Variants in DHX36 observed in about 807,000 individuals in gnomAD.
The protein encoded by DHX36 is DEAH-box helicase 36.
DHX36 carries 50 observed loss-of-function variants against 139.0 expected under a neutral mutation model. The ratio of observed to expected loss-of-function variants is 0.36; its 90% CI spans 0.29 to 0.46. The LOEUF (loss-of-function observed/expected upper bound fraction) is 0.46, where lower values mean the gene tolerates loss of function less well. Ranked by LOEUF, DHX36 falls within the 20% of genes least tolerant of loss-of-function variation. DHX36 has a pLI of 1.00. For missense variants in DHX36, 1,024 were observed against 1,211.3 expected (o/e 0.85, Z 2.29); for synonymous variants, 425 against 401.9 (o/e 1.06, Z -0.69).
At chr3:154,311,717 A>C in intron 3 of DHX36, 43 bp from the exon 4 acceptor site, 1 of 1,490,726 alleles carries the variant, frequency 6.7e-7, no homozygotes, top group Non-Finnish European at 9.2e-7. Context: ...GAAGATATGT[A>C]ATCAAATTAT....
chr3:154,315,036 T>C lies in DHX36; in HGVS notation c.603+10A>G, dbSNP rs1712911750. The C allele has an allele frequency of 6.4e-7, 1 of 1,556,064 alleles. No individual in the cohort carries two copies. The highest frequency in any genetic ancestry group is 8.8e-7 in the Non-Finnish European group (1 of 1,142,094). On this transcript the variant is annotated intron_variant, in intron 3 of 24. Coordinates refer to ENST00000496811, the MANE Select transcript of DHX36 (RefSeq NM_020865.3). ...AAATGACAAAATATTTTTTGACATC[T>C]TTCTACTACCTGCATTTCAATATAC...
intron 5 of DHX36, among the ~76,000 whole-genome samples, chr3:154,308,010 G>C (rs1305158305): frequency 6.6e-6 from 1 of 152,124 alleles, no homozygotes; most frequent in Admixed American, 6.5e-5. Flanking sequence ...ATAAGTGGGT[G>C]CTAAAAACCA....
chr3:154,319,400 C>T (rs1350672721), intron 1 of DHX36: 2 of 152,136 alleles, frequency 1.3e-5, no homozygotes, highest in Non-Finnish European at 2.9e-5. Flanking sequence ...AGGCCAATAC[C>T]ACCCTTTTGT....
chr3:154,307,170 T>C (rs1023690567), intron 5 of DHX36, among the ~76,000 whole-genome samples: 3 of 152,052 alleles, frequency 2.0e-5, no homozygotes, highest in African/African-American at 7.2e-5. Context: ...CTGAAACTAC[T>C]AGAAGAAAAC....
intron 1 of DHX36, among the ~76,000 whole-genome samples, chr3:154,317,204 G>C (rs1231558683): frequency 6.6e-6 from 1 of 152,042 alleles, no homozygotes; most frequent in African/African-American, 2.4e-5. Flanking sequence ...AAGCTGCTCT[G>C]TGTTACTGTA....
At chr3:154,311,510 T>C in intron 4 of DHX36, 126 bp downstream of exon 4, 2 of 709,266 alleles carry the variant, frequency 2.8e-6, no homozygotes, top group Non-Finnish European at 4.4e-6. Context: ...AAGAATAAAA[T>C]TAACTTCCAA....
At chr3:154,281,932 C>T (rs1465918458) in intron 20 of DHX36, among the ~76,000 whole-genome samples, 3 of 152,076 alleles carry the variant, frequency 2.0e-5, no homozygotes, top group Non-Finnish European at 4.4e-5. Context: ...GAAATCTCCA[C>T]TGTGATTCCC....
At chr3:154,310,741 T>C (rs979145506) in intron 4 of DHX36, among the ~76,000 whole-genome samples, 4 of 120,308 alleles carry the variant, frequency 3.3e-5, no homozygotes, top group African/African-American at 1.3e-4. Flanking sequence ...ATTGCGCCAC[T>C]GCACTCCAGC....
chr3:154,307,025 C>G (rs561487942), intron 5 of DHX36, among the ~76,000 whole-genome samples: 8 of 152,050 alleles, frequency 5.3e-5, no homozygotes, highest in African/African-American at 1.9e-4. Context: ...ACAGTAACTG[C>G]TATATATTAG....
rs1396072584 is a variant in DHX36, at chr3:154,274,000, G to C, written c.*2171C>G. ...TATGTTTCTGATTAATACCCTTTTT[G>C]CCAAGTTAAAAATACCCTACTAGGG... On this transcript the variant is annotated 3_prime_UTR_variant, in exon 25 of 25. Transcript: ENST00000496811. The C allele has an allele frequency of 3.3e-5, 5 of 151,916 alleles. No individual in the cohort carries two copies. The highest frequency in any genetic ancestry group is 1.2e-4 in the African/African-American group (5 of 41,384). 9.4% of individuals were successfully genotyped at this position (151,916 alleles called of 1,614,324 possible).
At chr3:154,317,498 G>A (rs920035051) in intron 1 of DHX36, among the ~76,000 whole-genome samples, 14 of 152,050 alleles carry the variant, frequency 9.2e-5, no homozygotes, top group Admixed American at 7.2e-4. Flanking sequence ...CATTCACGGG[G>A]CCAAGGCAAG....
intron 13 of DHX36, among the ~76,000 whole-genome samples, chr3:154,294,224 C>T (rs150565542): frequency 4.1e-4 from 62 of 152,132 alleles, no homozygotes; most frequent in African/African-American, 1.4e-3. Context: ...GAACAAATGT[C>T]AACTGTGCAG....
chr3:154,286,166 C>CAAAAAAAAAAA (rs60041573), intron 17 of DHX36, among the ~76,000 whole-genome samples: 3 of 16,578 alleles, frequency 1.8e-4, no homozygotes, highest in African/African-American at 3.8e-4. Flanking sequence ...TTCCACACAC[C>CAAAAAAAAAAA]AAAAAAAAAA....
Position 154,280,667 on chromosome 3 carries a change from T to C in DHX36, c.2479A>G (p.Asn827Asp). 1 of 1,612,104 alleles carries C rather than the reference T, an allele frequency of 6.2e-7. No homozygotes were observed. Among genetic ancestry groups the C allele is most frequent in the Non-Finnish European group, 8.5e-7 (1 of 1,178,756 alleles). ...ATGACAGCTTTAATTATCTTCTCAT[T>C]ATCTATGGGGGGTGAGAAGGTAGAG... Reference protein sequence around the residue: ...KDPESNINSDNEKIIKAVICA... With the variant: ...KDPESNINSDDEKIIKAVICA... The change falls in exon 22 of 25, where the codon AAT becomes GAT. Residue 827 changes from asparagine to aspartate, a missense_variant and splice_region_variant. Physicochemically the swap from Asn to Asp is conservative, Grantham distance 23. Coordinates refer to ENST00000496811, the MANE Select transcript of DHX36 (RefSeq NM_020865.3).
chr3:154,307,074 CA>C (rs920435989), intron 5 of DHX36, among the ~76,000 whole-genome samples: 8 of 151,986 alleles, frequency 5.3e-5, no homozygotes, highest in African/African-American at 1.9e-4. Context: ...TGTGTTATGA[CA>C]AAAGTGGTTT....
intron 17 of DHX36, among the ~76,000 whole-genome samples, chr3:154,286,629 C>T (rs1320570436): frequency 2.0e-5 from 3 of 151,562 alleles, no homozygotes; most frequent in African/African-American, 7.3e-5. Context: ...AGACTGAATA[C>T]CCAAATAAAC....
intron 13 of DHX36, 74 bp from the exon 14 acceptor site, chr3:154,293,886 T>C (rs369070513): frequency 2.0e-5 from 20 of 1,020,632 alleles, no homozygotes; most frequent in Middle Eastern, 2.5e-4. Context: ...TTAGAGGAAT[T>C]ACCTCAGATA....
Position 154,284,901 on chromosome 3 carries a change from A to T in DHX36, c.2118T>A (p.Ile706=), listed in dbSNP as rs1711506266. 1.2e-6 allele frequency: 2 copies of T among 1,614,038 alleles called. No homozygotes were observed. The highest frequency in any genetic ancestry group is 1.7e-6 in the Non-Finnish European group (2 of 1,180,026). ...LPVEPHIGKM[I]LFGALFCCLD... is the part of the protein sequence containing the mutation. The stretch of plus-strand genomic sequence containing the variant: ...AGCAGCAGAACAGTGCTCCAAAAAG[A>T]ATCATTTTTCCAATATGTGGCTCAA... The change falls in exon 18 of 25, where the codon ATT becomes ATA. Residue 706 remains isoleucine (I), a synonymous_variant. Transcript: ENST00000496811.
At position 154,293,763 on chromosome 3, in the gene DHX36, T is replaced by C; in HGVS notation, c.1655A>G (p.Asn552Ser). 1 of 1,613,036 alleles carries C rather than the reference T, an allele frequency of 6.2e-7. No homozygotes were observed. The highest frequency in any genetic ancestry group is 8.5e-7 in the Non-Finnish European group (1 of 1,179,224). The change falls in exon 14 of 25, where the codon AAC becomes AGC. Residue 552 changes from asparagine (N) to serine (S), a missense_variant. Asn to Ser is a conservative substitution (Grantham distance 46). Transcript: ENST00000496811. Reference protein sequence around the residue: ...PGVRKIVIATNIAETSITIDD... With the variant: ...PGVRKIVIATSIAETSITIDD... ...CTATTTTTACCTAGTCTCCGCAATG[T>C]TGGTAGCAATTACTATTTTCCGAAC...
Sources: gnomAD v4.1 joint callset for allele counts (sites outside exome capture counted in the v4.1 genomes callset) on GRCh38, gnomAD v4.1.1 for gene constraint, MANE v1.5 for transcripts, NCBI Gene and HGNC (gene_info 2026-07-23, HGNC 2026-07-21) for gene names.